The following CASR variants were observed in gnomAD, a reference collection of about 807,000 sequenced individuals.
CASR encodes extracellular calcium-sensing receptor.
A neutral mutation model predicts 69.1 loss-of-function variants in CASR; 23 were observed. The ratio of observed to expected loss-of-function variants is 0.33; its 90% CI spans 0.24 to 0.47. CASR has a LOEUF of 0.47. CASR is among the 20% of genes least tolerant of loss of function. The probability of loss-of-function intolerance (pLI) is 1.00; values close to 1 mark genes in which losing one functional copy is unlikely to be tolerated. For synonymous variants in CASR, 541 were observed against 544.7 expected, an observed-to-expected ratio of 0.99 and a Z score of 0.10; for missense variants, 924 against 1,356.1, an observed-to-expected ratio of 0.68 and a Z score of 5.00.
At chr3:122,195,738 T>G (rs2107583346) in intron 1 of CASR, among the ~76,000 whole-genome samples, 1 of 152,320 alleles carries the variant, frequency 6.6e-6, no homozygotes, top group East Asian at 1.9e-4. Flanking sequence ...GGCCAGTAAG[T>G]GGAACAACCT....
chr3:122,283,003 G>A (rs2074911376), intron 6 of CASR, among the ~76,000 whole-genome samples: 1 of 152,196 alleles, frequency 6.6e-6, no homozygotes, highest in East Asian at 1.9e-4. Flanking sequence ...AGTTAGCAGA[G>A]ACTTAGTAAA....
At chr3:122,219,031 T>A (rs1175155028) in intron 1 of CASR, among the ~76,000 whole-genome samples, 1 of 152,056 alleles carries the variant, frequency 6.6e-6, no homozygotes, top group Non-Finnish European at 1.5e-5. Context: ...AGGTGGGAAA[T>A]TAGGGTGGCC....
rs561284277 is a variant in CASR at position 122,268,829 on chromosome 3, C to G, written c.1377+6417C>G. On this transcript the variant is annotated intron_variant, in intron 4 of 6. Coordinates refer to ENST00000639785, the MANE Select transcript of CASR (RefSeq NM_000388.4). Reference sequence around the variant, plus strand: ...GGCACAGATAAGGGAGGTCAGTGATCTCAGAGAAGTGGTCAGAAAACTCTC... The same window carrying G: ...GGCACAGATAAGGGAGGTCAGTGATGTCAGAGAAGTGGTCAGAAAACTCTC... 6.6e-5 allele frequency among the ~76,000 whole-genome samples: 10 copies of G among 152,304 alleles called. No homozygotes were observed. The East Asian group carries it at 1.9e-3, about 29-fold the overall frequency.
chr3:122,229,108 C>T (rs1438315968), intron 1 of CASR, among the ~76,000 whole-genome samples: 6 of 152,206 alleles, frequency 3.9e-5, no homozygotes, highest in Non-Finnish European at 8.8e-5. Context: ...CCTGATTAAA[C>T]TTAAGATGTA....
At position 122,212,247 on chromosome 3, in the gene CASR, T is replaced by C. The variant is rs573429230; in HGVS notation, c.-243+28435T>C. ...GCACCCATAAAAAGAAACCAGATCATGTCCTTTGCAGGGACATGGATGGAG... is the reference window on the plus strand; with the variant it reads ...GCACCCATAAAAAGAAACCAGATCACGTCCTTTGCAGGGACATGGATGGAG... On this transcript the variant is annotated intron_variant, in intron 1 of 6. Transcript: ENST00000639785. Among the ~76,000 whole-genome samples, 6 of 152,310 alleles carry C rather than the reference T, an allele frequency of 3.9e-5. No individual in the cohort carries two copies. In the East Asian group the frequency reaches 9.6e-4, roughly 24 times the overall value.
intron 1 of CASR, among the ~76,000 whole-genome samples, chr3:122,212,068 A>C (rs2074073188): frequency 6.6e-6 from 1 of 152,228 alleles, no homozygotes. Context: ...GTATATACCC[A>C]AAGGAATATA....
In CASR at chr3:122,275,827, C is replaced by T. The variant is rs751217000; in HGVS notation, c.1393C>T (p.Arg465Trp). 9 of 1,613,062 alleles carry T rather than the reference C, an allele frequency of 5.6e-6. No homozygotes were observed. Among genetic ancestry groups the T allele is most frequent in the East Asian group, 2.2e-5 (1 of 44,888 alleles). ...TCCTCTTTAGGTCCTGAAGCACCTA[C>T]GGCATCTAAACTTTACAAACAATAT... ...VEAWQVLKHL[R>W]HLNFTNNMGE... is the part of the protein sequence containing the mutation. The change falls in exon 5 of 7, where the codon CGG (arginine) becomes TGG (tryptophan). Residue 465 changes from arginine to tryptophan, a missense_variant. By Grantham distance (101) the Arg-to-Trp change is moderately radical (BLOSUM62 -3). This residue lies in a region of CASR where 310 missense variants were observed against 395.7 expected (regional missense o/e 0.78). Coordinates refer to ENST00000639785, the MANE Select transcript of CASR (RefSeq NM_000388.4).
chr3:122,211,942 A>T (rs1374500927), intron 1 of CASR, among the ~76,000 whole-genome samples: 3 of 152,316 alleles, frequency 2.0e-5, no homozygotes, highest in African/African-American at 7.2e-5. Context: ...AGAAATAGGA[A>T]TGCTTTTACA....
chr3:122,281,735 A>G (rs995545697), intron 5 of CASR, among the ~76,000 whole-genome samples: 16 of 152,094 alleles, frequency 1.1e-4, no homozygotes, highest in Admixed American at 9.2e-4. Flanking sequence ...CATGGTCATG[A>G]TGCATTTTCT....
chr3:122,251,225 A>C (rs1229792961), intron 1 of CASR, among the ~76,000 whole-genome samples: 1 of 152,208 alleles, frequency 6.6e-6, no homozygotes, highest in African/African-American at 2.4e-5. Flanking sequence ...TAAGAGATTG[A>C]GCTCTGGAAT....
chr3:122,261,169 G>A (rs2074616853), intron 3 of CASR, among the ~76,000 whole-genome samples: 1 of 152,208 alleles, frequency 6.6e-6, no homozygotes, highest in South Asian at 2.1e-4. Context: ...CAGCACAGAG[G>A]AGGTTAGAGA....
At chr3:122,259,115 TG>T (rs2107629518) in intron 3 of CASR, among the ~76,000 whole-genome samples, 1 of 152,286 alleles carries the variant, frequency 6.6e-6, no homozygotes, top group East Asian at 1.9e-4. Flanking sequence ...TTTGGGGGGT[TG>T]GGGCACAAAA....
intron 3 of CASR, among the ~76,000 whole-genome samples, chr3:122,258,370 T>G (rs1291066210): frequency 6.6e-6 from 1 of 151,314 alleles, no homozygotes; most frequent in Non-Finnish European, 1.5e-5. Flanking sequence ...TTTTTTTTTT[T>G]TTTTTTTTGG....
intron 1 of CASR, among the ~76,000 whole-genome samples, chr3:122,207,642 G>A (rs1005575921): frequency 1.3e-5 from 2 of 152,052 alleles, no homozygotes; most frequent in Non-Finnish European, 2.9e-5. Context: ...GAAATGCAAC[G>A]TACTAAAATC....
At chr3:122,235,535 A>G (rs1201575389) in intron 1 of CASR, among the ~76,000 whole-genome samples, 4 of 152,250 alleles carry the variant, frequency 2.6e-5, no homozygotes, top group Non-Finnish European at 5.9e-5. Flanking sequence ...ACTGTTGTGT[A>G]TCCATTCAAA....
At chr3:122,211,551 T>TA (rs1262082870) in intron 1 of CASR, among the ~76,000 whole-genome samples, 1 of 151,924 alleles carries the variant, frequency 6.6e-6, no homozygotes, top group Non-Finnish European at 1.5e-5. Flanking sequence ...CTACTAAAAA[T>TA]AAAAAAACTA....
intron 1 of CASR, among the ~76,000 whole-genome samples, chr3:122,222,370 G>A (rs562151280): frequency 1.4e-4 from 21 of 152,142 alleles, no homozygotes; most frequent in Admixed American, 2.0e-4. Context: ...GAGGATATCC[G>A]TTGAGCACAC....
chr3:122,242,669 A>C (rs2074389384), intron 1 of CASR, among the ~76,000 whole-genome samples: 1 of 152,194 alleles, frequency 6.6e-6, no homozygotes. Context: ...AAATAGAAAA[A>C]ACAATCCTAA....
At chr3:122,201,628 G>A (rs1416622681) in intron 1 of CASR, among the ~76,000 whole-genome samples, 2 of 130,328 alleles carry the variant, frequency 1.5e-5, no homozygotes, top group Admixed American at 7.3e-5. Flanking sequence ...CCGGGCGGGG[G>A]CGACCCCCCA....
Sources: allele counts gnomAD v4.1 joint callset (sites outside exome capture counted in the v4.1 genomes callset), GRCh38; gene constraint gnomAD v4.1.1; regional missense constraint gnomAD v4.1.1; transcripts MANE v1.5; gene names NCBI Gene and HGNC (gene_info 2026-07-23, HGNC 2026-07-21).